Variants in TMEM132E observed in about 807,000 individuals in gnomAD.
TMEM132E encodes the protein transmembrane protein 132E.
A neutral mutation model predicts 78.5 loss-of-function variants in TMEM132E; 49 were observed. That is an observed-to-expected ratio of 0.62 (90% CI 0.50 to 0.79). The LOEUF (loss-of-function observed/expected upper bound fraction) is 0.79, where lower values mean the gene tolerates loss of function less well. TMEM132E is among the 30% of genes least tolerant of loss of function. The probability of loss-of-function intolerance (pLI) is 0.00; values close to 1 mark genes in which losing one functional copy is unlikely to be tolerated. For missense variants in TMEM132E, 1,403 were observed against 1,470.9 expected, an observed-to-expected ratio of 0.95 and a Z score of 0.75; for synonymous variants, 715 against 670.6, an observed-to-expected ratio of 1.07 and a Z score of -1.02.
At chr17:34,588,244 G>A (rs111763857) in intron 1 of TMEM132E, among the ~76,000 whole-genome samples, 1 of 152,078 alleles carries the variant, frequency 6.6e-6, no homozygotes, top group Non-Finnish European at 1.5e-5. Context: ...CTTCTTCCTG[G>A]AAGCCCATCC....
In TMEM132E at chr17:34,616,325, A is replaced by G. The variant is rs183785179; in HGVS notation, c.68-9802A>G. On this transcript the variant is annotated intron_variant, in intron 1 of 8. Coordinates refer to ENST00000631683, the MANE Select transcript of TMEM132E (RefSeq NM_001304438.2). ...CAAGCATGGGGGTGGGGTGGATAAC[A>G]GTACTGGGAAGCTGCTTCTCCAGGA... Among the ~76,000 whole-genome samples the G allele has an allele frequency of 1.2e-3, 190 of 152,084 alleles. 2 individuals carry two copies. Among genetic ancestry groups the G allele is most frequent in the African/African-American group, 4.4e-3 (182 of 41,496 alleles).
intron 4 of TMEM132E, 44 bp downstream of exon 4, chr17:34,629,248 C>T: frequency 6.3e-7 from 1 of 1,587,838 alleles, no homozygotes; most frequent in Non-Finnish European, 8.6e-7. Flanking sequence ...TGGGTCTATG[C>T]ATGTGTGCAC....
intron 7 of TMEM132E, 126 bp from the exon 8 acceptor site, chr17:34,635,881 C>T: frequency 2.0e-6 from 2 of 995,550 alleles, no homozygotes; most frequent in East Asian, 3.3e-5. Context: ...GAAGTCCTGC[C>T]TCCCAGCCTG....
intron 5 of TMEM132E, among the ~76,000 whole-genome samples, chr17:34,630,789 C>G (rs1347465989): frequency 6.6e-6 from 1 of 152,152 alleles, no homozygotes; most frequent in Non-Finnish European, 1.5e-5. Context: ...TCCCACCCCA[C>G]CCCTGAGCTC....
chr17:34,636,256 G>A, intron 8 of TMEM132E, 58 bp downstream of exon 8: 1 of 1,383,680 alleles, frequency 7.2e-7, no homozygotes, highest in Middle Eastern at 1.9e-4. Context: ...GAGAACTTGG[G>A]GGCTCTGCTT....
Position 34,628,696 on chromosome 17 carries a change from C to T in TMEM132E, c.1132C>T (p.Pro378Ser). The T allele has an allele frequency of 1.3e-6, 2 of 1,599,888 alleles. No individual in the cohort carries two copies. Among genetic ancestry groups the T allele is most frequent in the Non-Finnish European group, 1.7e-6 (2 of 1,172,356 alleles). ...TVDVAWAQST[P>S]LPPREGQGPL... is the part of the protein sequence containing the mutation. ...GGATGTGGCCTGGGCTCAGAGCACA[C>T]CCCTGCCCCCCAGGTGAGCCCGAGG... The change falls in exon 3 of 9, where the codon CCC (proline) becomes TCC (serine). Residue 378 changes from proline to serine, a missense_variant. Pro to Ser is a moderately conservative substitution (Grantham distance 74, BLOSUM62 -1). Around this residue, in one of 3 missense-constraint regions of TMEM132E, gnomAD observed 888 missense variants for 952.8 expected, o/e 0.93. Coordinates refer to ENST00000631683, the MANE Select transcript of TMEM132E (RefSeq NM_001304438.2).
At chr17:34,606,045 T>C (rs192130008) in intron 1 of TMEM132E, among the ~76,000 whole-genome samples, 4 of 152,166 alleles carry the variant, frequency 2.6e-5, no homozygotes, top group Non-Finnish European at 5.9e-5. Flanking sequence ...TCCAGAGCAA[T>C]GTGAAGAACT....
intron 1 of TMEM132E, among the ~76,000 whole-genome samples, chr17:34,586,834 T>C (rs1905698176): frequency 6.6e-6 from 1 of 151,836 alleles, no homozygotes; most frequent in Non-Finnish European, 1.5e-5. Flanking sequence ...GTAGAAAAGA[T>C]AATTGAAGAA....
At chr17:34,607,361 A>T (rs1906449305) in intron 1 of TMEM132E, among the ~76,000 whole-genome samples, 1 of 152,182 alleles carries the variant, frequency 6.6e-6, no homozygotes, top group African/African-American at 2.4e-5. Context: ...GGATGGGGGA[A>T]CCAGGGTTGA....
At chr17:34,611,277 G>A (rs925499935) in intron 1 of TMEM132E, among the ~76,000 whole-genome samples, 3 of 152,188 alleles carry the variant, frequency 2.0e-5, no homozygotes, top group Non-Finnish European at 4.4e-5. Flanking sequence ...TGGGACAAAG[G>A]AAACACTTGT....
intron 1 of TMEM132E, 111 bp from the exon 2 acceptor site, chr17:34,626,016 G>A (rs1907103540): frequency 9.8e-7 from 1 of 1,022,940 alleles, no homozygotes; most frequent in Non-Finnish European, 1.4e-6. Flanking sequence ...TGCCCAGCTA[G>A]AGGAGTTGGC....
chr17:34,581,073 G>C lies in TMEM132E; in HGVS notation c.-4G>C, dbSNP rs750588421. ...CTCGGACCCCTCCCGCCCCCGCCTC[G>C]GCCATGGCCCCGGGGATGTCGGGCC... is the stretch of plus-strand genomic sequence containing the variant. On this transcript the variant is annotated 5_prime_UTR_variant, in exon 1 of 9. Coordinates refer to ENST00000631683, the MANE Select transcript of TMEM132E (RefSeq NM_001304438.2). The C allele has an allele frequency of 2.6e-6, 4 of 1,544,370 alleles. No individual in the cohort carries two copies. Among genetic ancestry groups the C allele is most frequent in the South Asian group, 2.4e-5 (2 of 83,144 alleles).
chr17:34,605,054 C>A (rs9897622), intron 1 of TMEM132E, among the ~76,000 whole-genome samples: 89,962 of 151,992 alleles, frequency 0.59, 27,180 homozygotes, highest in Admixed American at 0.72. Context: ...TGTCCAGAAT[C>A]ACTGGGTGAT....
chr17:34,580,796 C>T lies in TMEM132E; in HGVS notation c.-281C>T, dbSNP rs973169837. On this transcript the variant is annotated 5_prime_UTR_variant, in exon 1 of 9. Transcript: ENST00000631683. The stretch of plus-strand genomic sequence containing the variant: ...CGGGCTCCGGACTGCACGTGCAGCT[C>T]CCCCCGCGCCTCGCAGATCCTGCAG... 25 of 378,530 alleles carry T rather than the reference C, an allele frequency of 6.6e-5. No homozygotes were observed. Among genetic ancestry groups the T allele is most frequent in the Non-Finnish European group, 1.1e-4 (23 of 210,822 alleles). 23.4% of individuals were successfully genotyped at this position (378,530 alleles called of 1,614,324 possible).
At chr17:34,603,935 C>T (rs1049553718) in intron 1 of TMEM132E, among the ~76,000 whole-genome samples, 4 of 152,180 alleles carry the variant, frequency 2.6e-5, no homozygotes, top group Non-Finnish European at 5.9e-5. Flanking sequence ...CCCCCTCCCT[C>T]ACTCAATGGA....
intron 7 of TMEM132E, 98 bp from the exon 8 acceptor site, chr17:34,635,909 C>G (rs891445765): frequency 8.1e-7 from 1 of 1,230,500 alleles, no homozygotes. Flanking sequence ...CTTCAGGCCC[C>G]TCTTCCAGCA....
At chr17:34,629,276 G>A (rs2142082423) in intron 4 of TMEM132E, 72 bp downstream of exon 4, 1 of 1,495,824 alleles carries the variant, frequency 6.7e-7, no homozygotes, top group East Asian at 2.3e-5. Flanking sequence ...TGACAAGAAT[G>A]TGAACCACTG....
In TMEM132E at chr17:34,635,029, C is replaced by A; in HGVS notation, c.1919C>A (p.Ala640Glu). The A allele has an allele frequency of 1.9e-6, 3 of 1,614,096 alleles. No individual in the cohort carries two copies. The highest frequency in any genetic ancestry group is 2.5e-6 in the Non-Finnish European group (3 of 1,180,018). ...DFMRVGDPRV[A>E]HMVDSSTLAG... ...ATGCGGGTGGGCGATCCCCGAGTGG[C>A]ACACATGGTGGACAGCAGCACGCTG... Residue 640 changes from alanine to glutamate, a missense_variant, in exon 7 of 9, where the codon GCA (alanine) becomes GAA (glutamate). By Grantham distance (107) the Ala-to-Glu change is moderately radical. Transcript: ENST00000631683.
rs1349654811 is a variant in TMEM132E at position 34,630,071 on chromosome 17, AT to A, written c.1404del (p.Ile468MetfsTer5). The A allele has an allele frequency of 1.2e-5, 19 of 1,613,670 alleles. No homozygotes were observed. Among genetic ancestry groups the A allele is most frequent in the Non-Finnish European group, 1.6e-5 (19 of 1,179,664 alleles). The part of the protein sequence containing the change: ...GRTVAIPVKV[I>X]AIEVNGLVLD... ...GACAGTGGCCATCCCTGTCAAGGTC[AT>A]TGCCATCGAGGTGAATGGCCTCGTC... On this transcript the variant is annotated frameshift_variant, in exon 5 of 9. Transcript: ENST00000631683. LOFTEE classifies it high-confidence loss of function.
Sources: allele counts gnomAD v4.1 joint callset (sites outside exome capture counted in the v4.1 genomes callset), GRCh38; gene constraint gnomAD v4.1.1; regional missense constraint gnomAD v4.1.1; transcripts MANE v1.5; gene names NCBI Gene and HGNC (gene_info 2026-07-23, HGNC 2026-07-21).